Variants in SORCS3 observed in about 807,000 individuals in gnomAD.
SORCS3 encodes VPS10 domain-containing receptor SorCS3.
SORCS3 carries 57 observed loss-of-function variants against 146.3 expected under a neutral mutation model. That is an observed-to-expected ratio of 0.39 (90% CI 0.31 to 0.49). The LOEUF (loss-of-function observed/expected upper bound fraction) is 0.49. Ranked by LOEUF, SORCS3 falls within the 20% of genes least tolerant of loss-of-function variation. SORCS3 has a pLI of 0.92. For synonymous variants in SORCS3, 653 were observed against 618.5 expected (o/e 1.06, Z -0.83); for missense variants, 1,341 against 1,575.5 (o/e 0.85, Z 2.52).
intron 1 of SORCS3, among the ~76,000 whole-genome samples, chr10:104,673,360 T>G (rs2015877055): frequency 6.6e-6 from 1 of 152,082 alleles, no homozygotes; most frequent in Non-Finnish European, 1.5e-5. Context: ...CTATTTTCTT[T>G]TGTGTGTGTT....
chr10:104,850,633 G>A (rs2018265112), intron 2 of SORCS3, among the ~76,000 whole-genome samples: 1 of 152,142 alleles, frequency 6.6e-6, no homozygotes, highest in South Asian at 2.1e-4. Flanking sequence ...GGTAGGATTG[G>A]GAACCACTGA....
At chr10:105,262,810 A>G (rs2056969912) in intron 26 of SORCS3, among the ~76,000 whole-genome samples, 1 of 152,206 alleles carries the variant, frequency 6.6e-6, no homozygotes, top group African/African-American at 2.4e-5. Context: ...GATTACATGA[A>G]TGTGGAATCT....
chr10:104,696,560 A>ATTATATACATATATAATATAGAATATATT (rs1491265996), intron 1 of SORCS3, among the ~76,000 whole-genome samples: 1 of 11,636 alleles, frequency 8.6e-5, no homozygotes, highest in African/African-American at 2.0e-4. Flanking sequence ...TAGAATATAT[A>ATTATATACATATATAATATAGAATATATT]ATATACGTAT....
chr10:104,745,361 A>G (rs545639250), intron 1 of SORCS3, among the ~76,000 whole-genome samples: 1 of 152,360 alleles, frequency 6.6e-6, no homozygotes, highest in South Asian at 2.1e-4. Context: ...AAAAGGATCT[A>G]TTAGTATATA....
chr10:105,138,892 A>G (rs568436933), intron 7 of SORCS3, among the ~76,000 whole-genome samples: 1 of 152,362 alleles, frequency 6.6e-6, no homozygotes, highest in East Asian at 1.9e-4. Context: ...ATGGATTTGT[A>G]AATATGAAGG....
At chr10:104,928,819 T>C (rs1525385) in intron 3 of SORCS3, among the ~76,000 whole-genome samples, 42,814 of 151,846 alleles carry the variant, frequency 0.28, 7,873 homozygotes, top group African/African-American at 0.53. Flanking sequence ...ATGAAGGCCT[T>C]GGTCAGTGCT....
chr10:104,811,786 G>C (rs540704113), intron 1 of SORCS3, among the ~76,000 whole-genome samples: 1 of 152,134 alleles, frequency 6.6e-6, no homozygotes, highest in African/African-American at 2.4e-5. Flanking sequence ...TTACATTCTC[G>C]GCTGAAGGCT....
intron 4 of SORCS3, among the ~76,000 whole-genome samples, chr10:105,000,016 A>G (rs2055051274): frequency 6.6e-6 from 1 of 152,072 alleles, no homozygotes; most frequent in Non-Finnish European, 1.5e-5. Flanking sequence ...CATAAAGTAC[A>G]GTCTTCCTAA....
chr10:105,246,912 C>T (rs919049296), intron 21 of SORCS3, among the ~76,000 whole-genome samples: 1 of 152,198 alleles, frequency 6.6e-6, no homozygotes, highest in African/African-American at 2.4e-5. Context: ...CCTGGTACCA[C>T]CTACAGTAGC....
chr10:105,075,091 C>T (rs2055580290), intron 5 of SORCS3, among the ~76,000 whole-genome samples: 1 of 152,140 alleles, frequency 6.6e-6, no homozygotes, highest in Non-Finnish European at 1.5e-5. Context: ...TGCCCTTTGC[C>T]TTTTTATAAT....
At chr10:105,217,928 C>T (rs2119657779) in intron 19 of SORCS3, 1 of 453,642 alleles carries the variant, frequency 2.2e-6, no homozygotes, top group South Asian at 1.6e-5. Context: ...CTAAGGACTT[C>T]CATGGTTCTT....
At chr10:104,804,206 T>G (rs2017657103) in intron 1 of SORCS3, among the ~76,000 whole-genome samples, 2 of 152,346 alleles carry the variant, frequency 1.3e-5, no homozygotes, top group East Asian at 3.9e-4. Flanking sequence ...AGAATGCGAA[T>G]TTTGAAGATG....
intron 2 of SORCS3, among the ~76,000 whole-genome samples, chr10:104,902,443 A>G (rs2018861338): frequency 6.6e-6 from 1 of 152,232 alleles, no homozygotes; most frequent in Admixed American, 6.5e-5. Flanking sequence ...AGGGTCCTTG[A>G]GCCAAGGCCC....
intron 14 of SORCS3, among the ~76,000 whole-genome samples, chr10:105,193,088 C>T (rs528274821): frequency 4.6e-5 from 7 of 152,070 alleles, no homozygotes; most frequent in Admixed American, 1.3e-4. Context: ...TTTTGTGAAC[C>T]GCCTCCCTCC....
At chr10:104,867,934 CA>C (rs1205479094) in intron 2 of SORCS3, among the ~76,000 whole-genome samples, 4 of 152,198 alleles carry the variant, frequency 2.6e-5, no homozygotes, top group African/African-American at 9.7e-5. Flanking sequence ...TCCTTTTACA[CA>C]GCCATCAAAT....
intron 14 of SORCS3, among the ~76,000 whole-genome samples, chr10:105,191,966 A>G (rs558870423): frequency 6.6e-6 from 1 of 152,196 alleles, no homozygotes; most frequent in South Asian, 2.1e-4. Flanking sequence ...AGAGCTGATT[A>G]TCATTGAAAC....
intron 17 of SORCS3, among the ~76,000 whole-genome samples, chr10:105,214,006 C>G (rs1423412607): frequency 1.3e-5 from 2 of 152,174 alleles, no homozygotes; most frequent in Non-Finnish European, 2.9e-5. Context: ...GTCTGATGTT[C>G]TACCTGCTTT....
chr10:104,795,990 T>C lies in SORCS3; in HGVS notation c.628-46802T>C, dbSNP rs74155039. ...CCCCTAGCAGAGCGCTTTGCCCTGC[T>C]TTGGACCCAGGAACCTTCCTGAGCT... On this transcript the variant is annotated intron_variant, in intron 1 of 26. Coordinates refer to ENST00000369701, the MANE Select transcript of SORCS3 (RefSeq NM_014978.3). Among the ~76,000 whole-genome samples the C allele has an allele frequency of 4.1e-3, 618 of 152,324 alleles. 3 individuals are homozygous for C. The highest frequency in any genetic ancestry group is 0.014 in the African/African-American group (566 of 41,576).
chr10:105,165,235 A>G (rs968671863), intron 12 of SORCS3, among the ~76,000 whole-genome samples: 3 of 152,122 alleles, frequency 2.0e-5, no homozygotes, highest in Non-Finnish European at 4.4e-5. Flanking sequence ...CTAGATAACT[A>G]TAATTCAGGG....
Sources: allele counts gnomAD v4.1 joint callset (sites outside exome capture counted in the v4.1 genomes callset), GRCh38; gene constraint gnomAD v4.1.1; transcripts MANE v1.5; gene names NCBI Gene and HGNC (gene_info 2026-07-23, HGNC 2026-07-21).